Variants in SPMAP2L observed in about 807,000 individuals in gnomAD.
SPMAP2L encodes sperm microtubule associated protein 2 like, also known as sperm microtubule associated protein 2-like.
the SPMAP2L span, chr4:56,601,162 AG>A: frequency 6.8e-7 from 1 of 1,476,016 alleles, no homozygotes; most frequent in Non-Finnish European, 9.0e-7. Flanking sequence ...TTCTGGGGAG[AG>A]GGAGAAAGTT....
chr4:56,572,344 A>G, the SPMAP2L span, among the ~76,000 whole-genome samples: 26 of 152,344 alleles, frequency 1.7e-4, no homozygotes, highest in Non-Finnish European at 3.4e-4. Flanking sequence ...GCTCCAGTAC[A>G]ATCCAGTATA....
At chr4:56,562,946 A>G in the SPMAP2L span, among the ~76,000 whole-genome samples, 4 of 152,068 alleles carry the variant, frequency 2.6e-5, no homozygotes, top group African/African-American at 9.6e-5. Flanking sequence ...CTATTGTTAG[A>G]GATATAGTAT....
At chr4:56,612,713 C>T in the SPMAP2L span, among the ~76,000 whole-genome samples, 3 of 151,952 alleles carry the variant, frequency 2.0e-5, no homozygotes, top group East Asian at 3.9e-4. Flanking sequence ...GCTACAGGTG[C>T]GTGCCTCCAC....
chr4:56,604,145 T>A, the SPMAP2L span, among the ~76,000 whole-genome samples: 3 of 152,150 alleles, frequency 2.0e-5, no homozygotes, highest in Non-Finnish European at 4.4e-5. Context: ...AGAGGGGTAA[T>A]ACCACATAGC....
At chr4:56,558,854 T>C in the SPMAP2L span, among the ~76,000 whole-genome samples, 13 of 152,162 alleles carry the variant, frequency 8.5e-5, no homozygotes, top group Admixed American at 3.9e-4. Flanking sequence ...ATATATTTGG[T>C]TTGATATATT....
chr4:56,584,693 T>C, the SPMAP2L span: 1 of 923,900 alleles, frequency 1.1e-6, no homozygotes, highest in South Asian at 1.5e-5. Context: ...TGTGTTTTCC[T>C]TTCTTCCTGT....
chr4:56,623,535 G>A, the SPMAP2L span, among the ~76,000 whole-genome samples: 1 of 152,186 alleles, frequency 6.6e-6, no homozygotes, highest in East Asian at 1.9e-4. Context: ...CCATGATATG[G>A]TTTGGCTGTG....
chr4:56,553,918 A>G, the SPMAP2L span, among the ~76,000 whole-genome samples: 1 of 152,020 alleles, frequency 6.6e-6, no homozygotes, highest in East Asian at 1.9e-4. Flanking sequence ...CTAGAAAGTC[A>G]TCTAGTTGGA....
chr4:56,594,896 G>T, the SPMAP2L span: 1 of 1,611,326 alleles, frequency 6.2e-7, no homozygotes, highest in South Asian at 1.1e-5. Flanking sequence ...TGGGTCTGAT[G>T]TCTCGCACCT....
the SPMAP2L span, among the ~76,000 whole-genome samples, chr4:56,546,884 TA>T: frequency 0.015 from 2,330 of 152,318 alleles, 55 homozygotes; most frequent in African/African-American, 0.052. Context: ...TTTTGTAGAC[TA>T]CTCTCCCTTT....
At chr4:56,602,912 C>T in the SPMAP2L span, among the ~76,000 whole-genome samples, 2 of 152,076 alleles carry the variant, frequency 1.3e-5, no homozygotes, top group African/African-American at 4.8e-5. Flanking sequence ...GGGATACAAA[C>T]TCAGGTCTGT....
At chr4:56,561,468 A>G in the SPMAP2L span, among the ~76,000 whole-genome samples, 2 of 152,134 alleles carry the variant, frequency 1.3e-5, no homozygotes, top group African/African-American at 4.8e-5. Context: ...AGGGCTTTTC[A>G]TGCTACCTCA....
chr4:56,605,795 G>A, the SPMAP2L span, among the ~76,000 whole-genome samples: 1 of 152,138 alleles, frequency 6.6e-6, no homozygotes, highest in Non-Finnish European at 1.5e-5. Context: ...AAGTTCCCAG[G>A]AATTTTCTCC....
At chr4:56,543,689 CAAAT>C in the SPMAP2L span, among the ~76,000 whole-genome samples, 2 of 151,646 alleles carry the variant, frequency 1.3e-5, no homozygotes, top group Admixed American at 6.6e-5. Context: ...GATTCTGTCT[CAAAT>C]AAATAAATAA....
At chr4:56,534,854 G>A in the SPMAP2L span, among the ~76,000 whole-genome samples, 1 of 152,146 alleles carries the variant, frequency 6.6e-6, no homozygotes, top group East Asian at 1.9e-4. Context: ...GCTTGAACCT[G>A]GGAGGTGGAA....
the SPMAP2L span, among the ~76,000 whole-genome samples, chr4:56,587,753 A>G: frequency 6.4e-4 from 97 of 152,152 alleles, no homozygotes; most frequent in African/African-American, 2.2e-3. Flanking sequence ...TGATTTTGCA[A>G]TTCTGAATTG....
chr4:56,615,510 G>T, the SPMAP2L span, among the ~76,000 whole-genome samples: 1 of 152,188 alleles, frequency 6.6e-6, no homozygotes, highest in Non-Finnish European at 1.5e-5. Flanking sequence ...ACTTTGGGAG[G>T]CCGAGGCGGG....
the SPMAP2L span, among the ~76,000 whole-genome samples, chr4:56,597,644 G>A: frequency 6.6e-6 from 1 of 152,066 alleles, no homozygotes; most frequent in Non-Finnish European, 1.5e-5. Context: ...CAGTTTTTTG[G>A]TATGTAAAAA....
At chr4:56,531,115 T>A in the SPMAP2L span, 1 of 1,535,176 alleles carries the variant, frequency 6.5e-7, no homozygotes, top group South Asian at 1.2e-5. Flanking sequence ...AGTAATGATC[T>A]CCCCCTCTCT....
Sources: allele counts gnomAD v4.1 joint callset (sites outside exome capture counted in the v4.1 genomes callset), GRCh38; gene constraint gnomAD v4.1.1; transcripts MANE v1.5; gene names NCBI Gene and HGNC (gene_info 2026-07-23, HGNC 2026-07-21).